The following NUDT21 variants were observed in gnomAD, a reference collection of about 807,000 sequenced individuals.
NUDT21 encodes nudix hydrolase 21, also known as cleavage and polyadenylation specificity factor subunit 5.
In NUDT21, 5 loss-of-function variants were observed where a neutral mutation model predicts 29.8. The ratio of observed to expected loss-of-function variants is 0.17; its 90% CI spans 0.09 to 0.35. The LOEUF (loss-of-function observed/expected upper bound fraction) is 0.35, where lower values mean the gene tolerates loss of function less well. Among genes scored for constraint, NUDT21 ranks in the 10% least tolerant of loss-of-function variants. The pLI is 1.00. For synonymous variants in NUDT21, 113 were observed against 98.5 expected (o/e 1.15, Z -0.87); for missense variants, 76 against 276.0 (o/e 0.28, Z 5.13).
intron 3 of NUDT21, among the ~76,000 whole-genome samples, chr16:56,442,761 T>C (rs1243207798): frequency 6.6e-6 from 1 of 152,224 alleles, no homozygotes; most frequent in Non-Finnish European, 1.5e-5. Context: ...CTATAGTTTA[T>C]ATTGGTCCTT....
intron 1 of NUDT21, among the ~76,000 whole-genome samples, chr16:56,450,730 T>C (rs1245871453): frequency 6.6e-6 from 1 of 152,104 alleles, no homozygotes; most frequent in Admixed American, 6.5e-5. Context: ...AGCAATACCA[T>C]GTACGTGATG....
At chr16:56,443,954 C>T (rs1311711439) in intron 3 of NUDT21, among the ~76,000 whole-genome samples, 1 of 152,170 alleles carries the variant, frequency 6.6e-6, no homozygotes, top group African/African-American at 2.4e-5. Flanking sequence ...GGACTGGTCA[C>T]TTTTTCCAGA....
At chr16:56,434,489 A>C in intron 5 of NUDT21, 44 bp from the exon 6 acceptor site, 1 of 1,082,568 alleles carries the variant, frequency 9.2e-7, no homozygotes, top group Middle Eastern at 2.1e-4. Flanking sequence ...TTATATAATC[A>C]CTGCTTCCAT....
In NUDT21 at chr16:56,446,617, G is replaced by A. The variant is rs187167540; in HGVS notation, c.381+9C>T. 1.3e-5 allele frequency: 20 copies of A among 1,577,674 alleles called. 1 individual carries two copies. The highest frequency in any genetic ancestry group is 1.3e-5 in the Non-Finnish European group (15 of 1,151,440). ...TGATGGTATTCAAAGTGGTTAAACA[G>A]AAAAATACCTCTGTCATTAAGCGTT... On this transcript the variant is annotated intron_variant, in intron 3 of 6. Coordinates refer to ENST00000300291, the MANE Select transcript of NUDT21 (RefSeq NM_007006.3).
chr16:56,450,110 C>T (rs1349052465), intron 1 of NUDT21, among the ~76,000 whole-genome samples: 1 of 152,138 alleles, frequency 6.6e-6, no homozygotes, highest in African/African-American at 2.4e-5. Flanking sequence ...CCTAAACTGC[C>T]TTACGAAAAC....
intron 2 of NUDT21, chr16:56,447,123 T>TAC: frequency 6.2e-6 from 1 of 160,632 alleles, no homozygotes; most frequent in Non-Finnish European, 1.4e-5. Context: ...TGTCCATATG[T>TAC]ACCCATCACA....
At chr16:56,434,943 C>T in intron 4 of NUDT21, 114 bp from the exon 5 acceptor site, 1 of 651,566 alleles carries the variant, frequency 1.5e-6, no homozygotes, top group South Asian at 2.0e-5. Context: ...TTTCTGTCCT[C>T]TTTACCAGGA....
chr16:56,446,617 G>T lies in NUDT21; in HGVS notation c.381+9C>A. On this transcript the variant is annotated intron_variant, in intron 3 of 6. Transcript: ENST00000300291. Reference sequence around the variant, plus strand: ...TGATGGTATTCAAAGTGGTTAAACAGAAAAATACCTCTGTCATTAAGCGTT... The same window carrying T: ...TGATGGTATTCAAAGTGGTTAAACATAAAAATACCTCTGTCATTAAGCGTT... 6.3e-7 allele frequency: 1 copy of T among 1,577,676 alleles called. No homozygotes were observed. Among genetic ancestry groups the T allele is most frequent in the South Asian group, 1.1e-5 (1 of 88,724 alleles).
chr16:56,437,567 A>G (rs774513524), intron 4 of NUDT21, among the ~76,000 whole-genome samples: 4 of 152,184 alleles, frequency 2.6e-5, no homozygotes, highest in Admixed American at 1.3e-4. Context: ...CTCAACAAGC[A>G]CTCAAGACTC....
At chr16:56,444,097 T>C (rs779875089) in intron 3 of NUDT21, among the ~76,000 whole-genome samples, 26 of 151,976 alleles carry the variant, frequency 1.7e-4, no homozygotes, top group Non-Finnish European at 3.2e-4. Context: ...CTGGGCAACA[T>C]AGCACGATCT....
Position 56,448,087 on chromosome 16 carries a change from T to C in NUDT21, c.117-98A>G, listed in dbSNP as rs75308863. 2.9e-3 allele frequency: 2,834 copies of C among 972,094 alleles called. 54 individuals are homozygous for C. The African/African-American group carries it at 0.041, about 14-fold the overall frequency. 60.2% of individuals were successfully genotyped at this position (972,094 alleles called of 1,614,324 possible). A position where few individuals can be genotyped will look rare whatever the true frequency, so the allele number is the denominator to read the frequency against. On this transcript the variant is annotated intron_variant, in intron 1 of 6. Coordinates refer to ENST00000300291, the MANE Select transcript of NUDT21 (RefSeq NM_007006.3). ...GAAACCATGGTACAAAAAAAGTGCA[T>C]ATATTGTACTCAGACACAGGATTTG...
At chr16:56,450,650 C>T (rs1035675794) in intron 1 of NUDT21, among the ~76,000 whole-genome samples, 2 of 152,234 alleles carry the variant, frequency 1.3e-5, no homozygotes, top group Non-Finnish European at 2.9e-5. Flanking sequence ...ATCTCGAAAC[C>T]TTACTGTCAG....
intron 3 of NUDT21, among the ~76,000 whole-genome samples, chr16:56,445,830 T>C (rs1209451127): frequency 6.6e-6 from 1 of 152,220 alleles, no homozygotes; most frequent in African/African-American, 2.4e-5. Context: ...TACCATACAT[T>C]ATATAAATGG....
chr16:56,434,103 TA>T (rs1162891996), intron 6 of NUDT21, among the ~76,000 whole-genome samples: 5 of 152,200 alleles, frequency 3.3e-5, no homozygotes, highest in Non-Finnish European at 7.3e-5. Context: ...ATATCAGAAT[TA>T]GGGAAGAGCA....
At chr16:56,445,231 A>AT (rs1962205671) in intron 3 of NUDT21, among the ~76,000 whole-genome samples, 2 of 152,196 alleles carry the variant, frequency 1.3e-5, no homozygotes, top group African/African-American at 2.4e-5. Context: ...CAAGTTTTGT[A>AT]TATGGGATGC....
At chr16:56,443,183 T>C in intron 3 of NUDT21, among the ~76,000 whole-genome samples, 1 of 145,538 alleles carries the variant, frequency 6.9e-6, no homozygotes, top group African/African-American at 2.5e-5. Flanking sequence ...TTTTTTTTTC[T>C]TTTTTTTTTT....
At chr16:56,437,536 T>G (rs981963382) in intron 4 of NUDT21, among the ~76,000 whole-genome samples, 9 of 152,120 alleles carry the variant, frequency 5.9e-5, no homozygotes, top group Non-Finnish European at 1.3e-4. Context: ...TATCAGAGGG[T>G]TCCCTGTTTG....
At chr16:56,445,613 T>C (rs956603005) in intron 3 of NUDT21, among the ~76,000 whole-genome samples, 1 of 152,218 alleles carries the variant, frequency 6.6e-6, no homozygotes, top group Admixed American at 6.5e-5. Flanking sequence ...AGCCCATGCA[T>C]GCCCCCACTT....
At chr16:56,445,875 A>G (rs1226005940) in intron 3 of NUDT21, among the ~76,000 whole-genome samples, 1 of 152,226 alleles carries the variant, frequency 6.6e-6, no homozygotes, top group Non-Finnish European at 1.5e-5. Flanking sequence ...AAGAGTTATA[A>G]TACATTTTTA....
Sources: gnomAD v4.1 joint callset for allele counts (sites outside exome capture counted in the v4.1 genomes callset) on GRCh38, gnomAD v4.1.1 for gene constraint, MANE v1.5 for transcripts, NCBI Gene and HGNC (gene_info 2026-07-23, HGNC 2026-07-21) for gene names.